MAML3: variants seen among roughly 807,000 people sequenced by gnomAD.
The protein encoded by MAML3 is mastermind like transcriptional coactivator 3.
Under a neutral mutation model 101.9 loss-of-function variants are expected in MAML3, and 27 were observed. The observed-to-expected ratio is 0.27, with a 90% CI of 0.20 to 0.37. The LOEUF is 0.37. Ranked by LOEUF, MAML3 falls within the 10% of genes least tolerant of loss-of-function variation. The pLI is 1.00. For synonymous variants in MAML3, 501 were observed against 555.9 expected, an observed-to-expected ratio of 0.90 and a Z score of 1.39; for missense variants, 1,316 against 1,444.9, an observed-to-expected ratio of 0.91 and a Z score of 1.45.
intron 2 of MAML3, among the ~76,000 whole-genome samples, chr4:139,809,653 C>T (rs533387087): frequency 6.2e-4 from 94 of 152,250 alleles, no homozygotes; most frequent in African/African-American, 2.2e-3. Flanking sequence ...CCCAAAACCA[C>T]GGAAACCATA....
intron 1 of MAML3, among the ~76,000 whole-genome samples, chr4:139,989,503 G>A (rs534889601): frequency 6.6e-6 from 1 of 152,218 alleles, no homozygotes; most frequent in South Asian, 2.1e-4. Context: ...GCCACTGAAT[G>A]TGTCTAACCT....
At chr4:140,121,571 G>T (rs1037364447) in intron 1 of MAML3, among the ~76,000 whole-genome samples, 19 of 152,216 alleles carry the variant, frequency 1.2e-4, no homozygotes, top group Non-Finnish European at 2.5e-4. Context: ...AGCCTACGCT[G>T]ATACTCAATA....
At chr4:140,148,338 C>T (rs546498512) in intron 1 of MAML3, among the ~76,000 whole-genome samples, 2 of 152,152 alleles carry the variant, frequency 1.3e-5, no homozygotes, top group East Asian at 3.9e-4. Flanking sequence ...ACTGGCTGCC[C>T]AGTACTAAAT....
intron 1 of MAML3, among the ~76,000 whole-genome samples, chr4:140,052,930 T>C (rs2110925167): frequency 6.6e-6 from 1 of 152,338 alleles, no homozygotes; most frequent in East Asian, 1.9e-4. Context: ...AGTGAGTAAG[T>C]GGTGATAAAT....
intron 1 of MAML3, among the ~76,000 whole-genome samples, chr4:140,003,723 G>C (rs1726382713): frequency 6.6e-6 from 1 of 152,192 alleles, no homozygotes; most frequent in South Asian, 2.1e-4. Flanking sequence ...TCTTGAAAGA[G>C]CACCAGATTC....
chr4:140,054,198 C>G (rs1727314477), intron 1 of MAML3, among the ~76,000 whole-genome samples: 1 of 151,822 alleles, frequency 6.6e-6, no homozygotes, highest in African/African-American at 2.4e-5. Context: ...GGTGAAACCC[C>G]ATTTCTACTA....
intron 1 of MAML3, among the ~76,000 whole-genome samples, chr4:140,080,561 AAGG>A (rs1422818924): frequency 6.6e-5 from 10 of 152,226 alleles, no homozygotes; most frequent in Non-Finnish European, 1.3e-4. Context: ...TTGGAAATAG[AAGG>A]AGAAGAAACT....
intron 1 of MAML3, among the ~76,000 whole-genome samples, chr4:139,988,556 C>T (rs1578630962): frequency 1.3e-5 from 2 of 152,068 alleles, no homozygotes; most frequent in African/African-American, 2.4e-5. Context: ...AGTCTAAGTT[C>T]ATTAAACGGT....
At chr4:139,958,456 T>G (rs1355868730) in intron 1 of MAML3, among the ~76,000 whole-genome samples, 1 of 152,208 alleles carries the variant, frequency 6.6e-6, no homozygotes, top group African/African-American at 2.4e-5. Flanking sequence ...ATGAGACAGA[T>G]AGTGCACTCA....
rs528066549 is a variant in MAML3 at position 140,119,496 on chromosome 4, A to C, written c.468+33364T>G. Among the ~76,000 whole-genome samples, 63 of 152,140 alleles carry C rather than the reference A, an allele frequency of 4.1e-4. 1 individual carries two copies. The highest frequency in any genetic ancestry group is 4.1e-3 in the Admixed American group (63 of 15,284). On this transcript the variant is annotated intron_variant, in intron 1 of 4. Coordinates refer to ENST00000509479, the MANE Select transcript of MAML3 (RefSeq NM_018717.5). ...GTGTACCTAAATACAGTCATTACAG[A>C]CTTCTTCTATCGTATCTTCTGGAGA... is the stretch of plus-strand genomic sequence containing the variant.
Position 139,842,168 on chromosome 4 carries a change from C to A in MAML3, c.2079+47189G>T, listed in dbSNP as rs138370268. Among the ~76,000 whole-genome samples the A allele has an allele frequency of 2.0e-4, 30 of 152,326 alleles. 1 individual carries two copies. The East Asian group carries it at 4.8e-3, about 25-fold the overall frequency. ...GCAGGGGTGATGCTTTCAGAGCCCA[C>A]ACGGAGTACAGATCAACCTGGGCAC... On this transcript the variant is annotated intron_variant, in intron 2 of 4. Coordinates refer to ENST00000509479, the MANE Select transcript of MAML3 (RefSeq NM_018717.5).
At chr4:140,017,365 T>TAAATAAATAAATAAA (rs1289102060) in intron 1 of MAML3, among the ~76,000 whole-genome samples, 121 of 152,288 alleles carry the variant, frequency 7.9e-4, no homozygotes, top group Non-Finnish European at 3.1e-4. Flanking sequence ...AGTAAAATAA[T>TAAATAAATAAATAAA]ACAGCCCCTG....
At chr4:139,899,512 C>T (rs533435711) in intron 1 of MAML3, among the ~76,000 whole-genome samples, 7 of 152,126 alleles carry the variant, frequency 4.6e-5, no homozygotes, top group East Asian at 1.9e-4. Context: ...TCTGTGTCTG[C>T]GTGTCGGGCT....
At chr4:139,931,484 A>G (rs1485451711) in intron 1 of MAML3, among the ~76,000 whole-genome samples, 1 of 152,198 alleles carries the variant, frequency 6.6e-6, no homozygotes, top group Non-Finnish European at 1.5e-5. Context: ...TTTAGGTAAT[A>G]TTTAATTAGG....
At chr4:139,780,755 T>C (rs971655380) in intron 2 of MAML3, among the ~76,000 whole-genome samples, 2 of 151,810 alleles carry the variant, frequency 1.3e-5, no homozygotes, top group Middle Eastern at 3.2e-3. Flanking sequence ...CTCAGCCTCC[T>C]GAGCAGCTGG....
chr4:139,755,166 G>A (rs1050820681), intron 2 of MAML3, among the ~76,000 whole-genome samples: 20 of 152,212 alleles, frequency 1.3e-4, no homozygotes, highest in Admixed American at 2.6e-4. Flanking sequence ...AATGACAGCC[G>A]GTTTGCTGTT....
chr4:139,978,004 AG>A (rs1734378133), intron 1 of MAML3, among the ~76,000 whole-genome samples: 1 of 152,230 alleles, frequency 6.6e-6, no homozygotes, highest in South Asian at 2.1e-4. Flanking sequence ...GGACTGCAGA[AG>A]GTAGCACAAT....
intron 2 of MAML3, among the ~76,000 whole-genome samples, chr4:139,742,037 C>T (rs935272515): frequency 1.3e-4 from 20 of 152,190 alleles, no homozygotes; most frequent in Non-Finnish European, 2.5e-4. Context: ...TCAAAGAGGT[C>T]TAACACAGCC....
chr4:139,932,618 C>G (rs1248545378), intron 1 of MAML3, among the ~76,000 whole-genome samples: 1 of 152,170 alleles, frequency 6.6e-6, no homozygotes, highest in Non-Finnish European at 1.5e-5. Context: ...TGAACCAAGT[C>G]TTTGCTAGTC....
Sources: allele counts gnomAD v4.1 joint callset (sites outside exome capture counted in the v4.1 genomes callset), GRCh38; gene constraint gnomAD v4.1.1; transcripts MANE v1.5; gene names NCBI Gene and HGNC (gene_info 2026-07-23, HGNC 2026-07-21).